Variants in COPG1 observed in about 807,000 individuals in gnomAD.
The protein encoded by COPG1 is coat protein complex I subunit gamma 1.
Under a neutral mutation model 102.8 loss-of-function variants are expected in COPG1, and 29 were observed. The observed-to-expected ratio is 0.28, with a 90% CI of 0.21 to 0.38. The LOEUF is 0.38. Ranked by LOEUF, COPG1 falls within the 10% of genes least tolerant of loss-of-function variation. The pLI is 1.00. For missense variants in COPG1, 875 were observed against 1,132.7 expected (o/e 0.77, Z 3.27); for synonymous variants, 406 against 421.6 (o/e 0.96, Z 0.45).
At position 129,252,940 on chromosome 3, in the gene COPG1, T is replaced by C; in HGVS notation, c.308T>C (p.Ile103Thr). 2 of 1,614,156 alleles carry C rather than the reference T, an allele frequency of 1.2e-6. No homozygotes were observed. The highest frequency in any genetic ancestry group is 1.7e-6 in the Non-Finnish European group (2 of 1,180,004). ...ATGTCTTGCATTGCAGAGGATGTCA[T>C]CATTGTCACCAGCAGGCAAGTCATG... ...KEMSCIAEDV[I>T]IVTSSLTKDM... The change falls in exon 5 of 24, where the codon ATC (isoleucine) becomes ACC (threonine). Residue 103 changes from isoleucine (I) to threonine (T), a missense_variant. Coordinates refer to ENST00000314797, the MANE Select transcript of COPG1 (RefSeq NM_016128.4).
chr3:129,255,062 C>T lies in COPG1; in HGVS notation c.477C>T (p.Ala159=), dbSNP rs1339554810. 2 of 1,613,612 alleles carry T rather than the reference C, an allele frequency of 1.2e-6. No homozygotes were observed. The highest frequency in any genetic ancestry group is 3.3e-5 in the Admixed American group (2 of 59,996). The change falls in exon 7 of 24, where the codon GCC becomes GCT. Residue 159 remains alanine, a synonymous_variant. Transcript: ENST00000314797. ...AGGTGCCCAGTGTCTCCAGCTCTGCCCTCGTGTCTTCCTTGGTGTGTAGTT... is the reference window on the plus strand; with the variant it reads ...AGGTGCCCAGTGTCTCCAGCTCTGCTCTCGTGTCTTCCTTGGTGTGTAGTT... ...VDKVPSVSSS[A]LVSSLHLLKC...
chr3:129,274,931 GAGA>G lies in COPG1; in HGVS notation c.2353_2355del (p.Lys785del). The G allele has an allele frequency of 1.9e-6, 3 of 1,614,166 alleles. No individual in the cohort carries two copies. The highest frequency in any genetic ancestry group is 2.5e-6 in the Non-Finnish European group (3 of 1,180,016). On this transcript the variant is annotated inframe_deletion, in exon 22 of 24. Transcript: ENST00000314797. ...CTGGGATGAGGTAGGGGATGAATTT[GAGA>G]AGGAGGAAACGTTCACCTTGTCTAC...
chr3:129,267,140 C>CA, intron 15 of COPG1, 41 bp downstream of exon 15: 1 of 1,496,770 alleles, frequency 6.7e-7, no homozygotes, highest in Non-Finnish European at 9.2e-7. Flanking sequence ...ACAGTGTTCC[C>CA]TTGGACCCAA....
chr3:129,277,600 A>ATT lies in COPG1; in HGVS notation c.*176_*177insTT. ...TCCCACCCGGGACTACTTGCTGGTG[A>ATT]CTTTTTTTTTTTTTTTTTTTAAATA... On this transcript the variant is annotated 3_prime_UTR_variant, in exon 24 of 24. Coordinates refer to ENST00000314797, the MANE Select transcript of COPG1 (RefSeq NM_016128.4). The ATT allele has an allele frequency of 1.1e-5, 4 of 371,666 alleles. No individual in the cohort carries two copies. The highest frequency in any genetic ancestry group is 3.7e-5 in the South Asian group (1 of 26,726). 23.0% of individuals were successfully genotyped at this position (371,666 alleles called of 1,614,324 possible). A position where few individuals can be genotyped will look rare whatever the true frequency, so the allele number is the denominator to read the frequency against.
chr3:129,257,784 G>A lies in COPG1; in HGVS notation c.795G>A (p.Met265Ile), dbSNP rs1939844275. 6.2e-7 allele frequency: 1 copy of A among 1,614,218 alleles called. No individual in the cohort carries two copies. The highest frequency in any genetic ancestry group is 8.5e-7 in the Non-Finnish European group (1 of 1,180,036). Residue 265 changes from methionine to isoleucine, a missense_variant, in exon 10 of 24, where the codon ATG (methionine) becomes ATA (isoleucine). Physicochemically the swap from Met to Ile is conservative, Grantham distance 10. Coordinates refer to ENST00000314797, the MANE Select transcript of COPG1 (RefSeq NM_016128.4). ...IESCLRNKHE[M>I]VVYEAASAIV... ...GCTGCTTGCGCAACAAGCACGAGATGGTGGTGTATGAAGCCGCCTCGGCCA... is the reference window on the plus strand; with the variant it reads ...GCTGCTTGCGCAACAAGCACGAGATAGTGGTGTATGAAGCCGCCTCGGCCA...
At chr3:129,253,072 C>A in intron 5 of COPG1, 117 bp downstream of exon 5, 2 of 840,240 alleles carry the variant, frequency 2.4e-6, no homozygotes, top group Non-Finnish European at 3.9e-6. Flanking sequence ...CACCCCGTGG[C>A]AGCTTCCCTG....
At chr3:129,252,221 A>C (rs1939714079) in intron 2 of COPG1, 60 bp from the exon 3 acceptor site, 6 of 1,200,702 alleles carry the variant, frequency 5.0e-6, no homozygotes, top group Non-Finnish European at 7.4e-6. Flanking sequence ...CAGACATTGA[A>C]TATACTTGAA....
Position 129,271,666 on chromosome 3 carries a change from G to A in COPG1, c.1844-101G>A. 2.1e-6 allele frequency: 3 copies of A among 1,418,362 alleles called. No individual in the cohort carries two copies. The highest frequency in any genetic ancestry group is 1.3e-5 in the South Asian group (1 of 77,716). 87.9% of individuals were successfully genotyped at this position (1,418,362 alleles called of 1,614,324 possible). On this transcript the variant is annotated intron_variant, in intron 18 of 23. Transcript: ENST00000314797. The surrounding 1 kb of genome is among the most constrained non-coding windows in gnomAD (Gnocchi z 4.7). ...TAAACATATCTATCCATCTAAGGTAGGGTGGAACACCTTGAGAATGGTCAT... is the reference window on the plus strand; with the variant it reads ...TAAACATATCTATCCATCTAAGGTAAGGTGGAACACCTTGAGAATGGTCAT...
Position 129,270,384 on chromosome 3 carries a change from GCCT to G in COPG1, c.1844-1381_1844-1379del, listed in dbSNP as rs1380468297. Among the ~76,000 whole-genome samples the G allele has an allele frequency of 2.6e-5, 4 of 152,112 alleles. No homozygotes were observed. The East Asian group carries it at 7.8e-4, about 30-fold the overall frequency. ...AACTTTCCTAGATCTTGAATTTATT[GCCT>G]CATTTGTCTTTACAACAACGCTGTG... On this transcript the variant is annotated intron_variant, in intron 18 of 23. Transcript: ENST00000314797.
chr3:129,264,111 C>G (rs1009613854), intron 13 of COPG1, 112 bp downstream of exon 13: 1 of 889,198 alleles, frequency 1.1e-6, no homozygotes, highest in African/African-American at 1.6e-5. Context: ...TGTTAACCAA[C>G]TGGTTTTCAT....
chr3:129,254,976 T>C lies in COPG1; in HGVS notation c.400-9T>C. 1 of 1,612,680 alleles carries C rather than the reference T, an allele frequency of 6.2e-7. No homozygotes were observed. Among genetic ancestry groups the C allele is most frequent in the East Asian group, 2.2e-5 (1 of 44,878 alleles). On this transcript the variant is annotated splice_polypyrimidine_tract_variant and intron_variant, in intron 6 of 23. Coordinates refer to ENST00000314797, the MANE Select transcript of COPG1 (RefSeq NM_016128.4). ...GGATCTCCTTCCACCCTGCTCCTTT[T>C]GCCCACAGAGCACCATGCTGCAGGC... is the stretch of plus-strand genomic sequence containing the variant.
rs1254494872 is a variant in COPG1 at position 129,272,862 on chromosome 3, C to T, written c.2214C>T (p.Thr738=). The change falls in exon 21 of 24, where the codon ACC becomes ACT. Residue 738 remains threonine, a synonymous_variant. Coordinates refer to ENST00000314797, the MANE Select transcript of COPG1 (RefSeq NM_016128.4). The stretch of plus-strand genomic sequence containing the variant: ...TCACTGTCAAGGACTGTGATCCCAC[C>T]ACTGGGGAGACTGATGACGAAGGCT... ...MKFTVKDCDP[T]TGETDDEGYE... The T allele has an allele frequency of 6.2e-7, 1 of 1,612,818 alleles. No individual in the cohort carries two copies. Among genetic ancestry groups the T allele is most frequent in the Non-Finnish European group, 8.5e-7 (1 of 1,179,022 alleles).
At chr3:129,260,542 T>A (rs1475469637) in intron 11 of COPG1, 77 bp from the exon 12 acceptor site, 2 of 1,552,152 alleles carry the variant, frequency 1.3e-6, no homozygotes, top group Non-Finnish European at 1.8e-6. Context: ...TCCAAAGGAC[T>A]TCTGACTGGG....
chr3:129,274,012 G>A (rs1343685353), intron 21 of COPG1: 1 of 455,930 alleles, frequency 2.2e-6, no homozygotes, highest in Non-Finnish European at 4.4e-6. Context: ...CTCCTGACTA[G>A]AGGGACAGTC....
Position 129,268,946 on chromosome 3 carries a change from A to G in COPG1, c.1789A>G (p.Thr597Ala). 1 of 1,614,102 alleles carries G rather than the reference A, an allele frequency of 6.2e-7. No individual in the cohort carries two copies. Among genetic ancestry groups the G allele is most frequent in the East Asian group, 2.2e-5 (1 of 44,878 alleles). The change falls in exon 18 of 24, where the codon ACA becomes GCA. Residue 597 changes from threonine (T) to alanine (A), a missense_variant. Coordinates refer to ENST00000314797, the MANE Select transcript of COPG1 (RefSeq NM_016128.4). ...TGCTCCTGCAGAAAGTACCCCCATC[A>G]CAGCAGTCAAACAGCCTGAGAAAGT... ...AEQRTESTPITAVKQPEKVAA... is the reference protein window; with the variant it reads ...AEQRTESTPIAAVKQPEKVAA...
At chr3:129,251,903 G>A (rs1939707379) in intron 2 of COPG1, among the ~76,000 whole-genome samples, 1 of 151,384 alleles carries the variant, frequency 6.6e-6, no homozygotes, top group Non-Finnish European at 1.5e-5. Flanking sequence ...GGCCAGGCTG[G>A]TCTCGAACTG....
At position 129,267,043 on chromosome 3, in the gene COPG1, G is replaced by A. The variant is rs780652561; in HGVS notation, c.1488G>A (p.Ala496=). ...ACACAGGTGCTGTGAGTGCTCTGGCGAAGTTTGGAGCCCAGAATGAAGAGA... is the reference window on the plus strand; with the variant it reads ...ACACAGGTGCTGTGAGTGCTCTGGCAAAGTTTGGAGCCCAGAATGAAGAGA... ...EVRAGAVSAL[A]KFGAQNEEML... is the part of the protein sequence containing the mutation. The change falls in exon 15 of 24, where the codon GCG becomes GCA. Residue 496 remains alanine, a synonymous_variant. Coordinates refer to ENST00000314797, the MANE Select transcript of COPG1 (RefSeq NM_016128.4). 11 of 1,613,688 alleles carry A rather than the reference G, an allele frequency of 6.8e-6. No individual in the cohort carries two copies. In the East Asian group the frequency reaches 1.1e-4, roughly 16 times the overall value.
chr3:129,274,939 G>A lies in COPG1; in HGVS notation c.2358G>A (p.Glu786=). The change falls in exon 22 of 24, where the codon GAG becomes GAA. Residue 786 remains glutamate, a synonymous_variant. Coordinates refer to ENST00000314797, the MANE Select transcript of COPG1 (RefSeq NM_016128.4). ...WDEVGDEFEK[E]ETFTLSTIKT... ...AGGTAGGGGATGAATTTGAGAAGGA[G>A]GAAACGTTCACCTTGTCTACCATCA... is the stretch of plus-strand genomic sequence containing the variant. 1.2e-6 allele frequency: 2 copies of A among 1,614,128 alleles called. No homozygotes were observed. Among genetic ancestry groups the A allele is most frequent in the African/African-American group, 1.3e-5 (1 of 75,024 alleles).
At chr3:129,272,140 A>T in intron 19 of COPG1, 104 bp from the exon 20 acceptor site, 1 of 1,165,058 alleles carries the variant, frequency 8.6e-7, no homozygotes, top group Non-Finnish European at 1.2e-6. Flanking sequence ...CTGGGATGGG[A>T]ATCACCTTGG....
Sources: allele counts gnomAD v4.1 joint callset (sites outside exome capture counted in the v4.1 genomes callset), GRCh38; gene constraint gnomAD v4.1.1; non-coding constraint Gnocchi (gnomAD v3.1); transcripts MANE v1.5; gene names NCBI Gene and HGNC (gene_info 2026-07-23, HGNC 2026-07-21).